MAN2A1: variants seen among roughly 807,000 people sequenced by gnomAD.
The protein encoded by MAN2A1 is mannosidase alpha class 2A member 1, also known as alpha-mannosidase 2.
A neutral mutation model predicts 142.6 loss-of-function variants in MAN2A1; 76 were observed. The observed-to-expected ratio is 0.53, with a 90% CI of 0.44 to 0.65. MAN2A1 has a LOEUF of 0.65. Ranked by LOEUF, MAN2A1 falls within the 30% of genes least tolerant of loss-of-function variation. The pLI, the probability that MAN2A1 is intolerant of heterozygous loss-of-function variation, is 0.00. For missense variants in MAN2A1, 1,311 were observed against 1,365.1 expected, an observed-to-expected ratio of 0.96 and a Z score of 0.62; for synonymous variants, 559 against 473.2, an observed-to-expected ratio of 1.18 and a Z score of -2.35.
chr5:109,812,075 T>C (rs551329225), intron 12 of MAN2A1, among the ~76,000 whole-genome samples: 1 of 152,302 alleles, frequency 6.6e-6, no homozygotes, highest in Non-Finnish European at 1.5e-5. Context: ...ATGAGAGTCT[T>C]GTAAGGGAAA....
At chr5:109,761,546 A>T (rs1752844332) in intron 5 of MAN2A1, among the ~76,000 whole-genome samples, 1 of 152,022 alleles carries the variant, frequency 6.6e-6, no homozygotes, top group African/African-American at 2.4e-5. Flanking sequence ...CCTGGAATAA[A>T]TCCCTTTTGG....
chr5:109,858,543 T>A (rs1309190580), intron 20 of MAN2A1, among the ~76,000 whole-genome samples: 1 of 152,222 alleles, frequency 6.6e-6, no homozygotes, highest in Non-Finnish European at 1.5e-5. Flanking sequence ...CAATGTGCAA[T>A]AATGGGCTGT....
intron 3 of MAN2A1, among the ~76,000 whole-genome samples, chr5:109,728,106 G>A (rs2112581879): frequency 6.6e-6 from 1 of 152,246 alleles, no homozygotes; most frequent in East Asian, 1.9e-4. Context: ...CATTGTAGGT[G>A]CTCAGTAAAT....
At chr5:109,846,786 A>C (rs1253173110) in intron 18 of MAN2A1, among the ~76,000 whole-genome samples, 1 of 152,164 alleles carries the variant, frequency 6.6e-6, no homozygotes, top group African/African-American at 2.4e-5. Flanking sequence ...CACACACACA[A>C]AAACTGCTAC....
chr5:109,820,037 C>T lies in MAN2A1; in HGVS notation c.2328+150C>T, dbSNP rs758764931. ...AGGAAGCATGAGCTTTTTGCACCTT[C>T]ATTGACCACTTGCTGCTCACATGTA... On this transcript the variant is annotated intron_variant, in intron 14 of 21. Coordinates refer to ENST00000261483, the MANE Select transcript of MAN2A1 (RefSeq NM_002372.4). 3.2e-4 allele frequency: 256 copies of T among 789,184 alleles called. 3 individuals carry two copies. The highest frequency in any genetic ancestry group is 1.5e-3 in the Middle Eastern group (4 of 2,638). The allele number at this position is 789,184 out of a possible 1,614,324, so 48.9% of individuals were successfully genotyped here.
chr5:109,714,177 C>CTTT (rs376535285), intron 2 of MAN2A1, among the ~76,000 whole-genome samples: 8 of 140,644 alleles, frequency 5.7e-5, no homozygotes, highest in Non-Finnish European at 7.9e-5. Context: ...TAAGGTTAGA[C>CTTT]TTTTTTTTTT....
At chr5:109,730,777 A>G (rs1751882250) in intron 4 of MAN2A1, among the ~76,000 whole-genome samples, 1 of 152,174 alleles carries the variant, frequency 6.6e-6, no homozygotes, top group Non-Finnish European at 1.5e-5. Context: ...TTTTACACAT[A>G]AGGACACTGA....
At chr5:109,691,139 T>G (rs562424730) in intron 1 of MAN2A1, among the ~76,000 whole-genome samples, 20 of 152,286 alleles carry the variant, frequency 1.3e-4, no homozygotes, top group African/African-American at 4.8e-4. Flanking sequence ...ACATCTGGTT[T>G]GTTTGTGGCA....
At chr5:109,716,293 G>T in intron 3 of MAN2A1, 29 bp downstream of exon 3, 1 of 1,574,714 alleles carries the variant, frequency 6.4e-7, no homozygotes, top group South Asian at 1.2e-5. Flanking sequence ...AAAGACAGGA[G>T]GTTATTAAGT....
At chr5:109,746,962 A>G (rs964597378) in intron 4 of MAN2A1, among the ~76,000 whole-genome samples, 2 of 152,204 alleles carry the variant, frequency 1.3e-5, no homozygotes, top group Admixed American at 1.3e-4. Flanking sequence ...TTTTAAGGCT[A>G]CATGATATTC....
chr5:109,778,187 G>A (rs918449406), intron 8 of MAN2A1, among the ~76,000 whole-genome samples: 13 of 151,954 alleles, frequency 8.6e-5, no homozygotes, highest in Non-Finnish European at 1.5e-4. Context: ...ATCGATGAAC[G>A]TGGTGTATTT....
intron 12 of MAN2A1, among the ~76,000 whole-genome samples, chr5:109,812,228 A>G (rs1266251368): frequency 6.6e-6 from 1 of 152,106 alleles, no homozygotes; most frequent in East Asian, 1.9e-4. Flanking sequence ...GGGGAAGTGA[A>G]ATAACTTGTC....
At chr5:109,702,977 C>T (rs1751031877) in intron 1 of MAN2A1, among the ~76,000 whole-genome samples, 1 of 152,256 alleles carries the variant, frequency 6.6e-6, no homozygotes, top group South Asian at 2.1e-4. Flanking sequence ...TCAGATGAGA[C>T]TTGCCTAAAT....
chr5:109,799,020 T>C (rs1456388252), intron 12 of MAN2A1, among the ~76,000 whole-genome samples: 1 of 151,928 alleles, frequency 6.6e-6, no homozygotes, highest in Non-Finnish European at 1.5e-5. Flanking sequence ...GTGTCTCAAA[T>C]TTGTCCTCTT....
At chr5:109,774,548 T>G (rs1011734059) in intron 7 of MAN2A1, among the ~76,000 whole-genome samples, 1 of 152,250 alleles carries the variant, frequency 6.6e-6, no homozygotes, top group African/African-American at 2.4e-5. Flanking sequence ...TGGAAACCTA[T>G]GAGTTTTTCC....
At chr5:109,842,806 GTTT>G (rs768238978) in intron 17 of MAN2A1, among the ~76,000 whole-genome samples, 1 of 116,208 alleles carries the variant, frequency 8.6e-6, no homozygotes, top group South Asian at 3.4e-4. Flanking sequence ...TACTTATTGG[GTTT>G]TTTTTTTTTT....
chr5:109,767,424 G>A, intron 5 of MAN2A1, 111 bp from the exon 6 acceptor site: 1 of 815,456 alleles, frequency 1.2e-6, no homozygotes, highest in Non-Finnish European at 1.9e-6. Context: ...TAGATCCTTG[G>A]TCTGATATCT....
intron 4 of MAN2A1, among the ~76,000 whole-genome samples, chr5:109,735,721 A>G (rs1244194314): frequency 1.3e-5 from 2 of 152,164 alleles, no homozygotes; most frequent in Non-Finnish European, 2.9e-5. Flanking sequence ...AGTTCTTTCA[A>G]TGAGTGAACA....
At chr5:109,745,066 A>G (rs1752362430) in intron 4 of MAN2A1, among the ~76,000 whole-genome samples, 1 of 152,116 alleles carries the variant, frequency 6.6e-6, no homozygotes, top group African/African-American at 2.4e-5. Flanking sequence ...ATCTATTGTG[A>G]TAGAAATGGA....
Sources: gnomAD v4.1 joint callset for allele counts (sites outside exome capture counted in the v4.1 genomes callset) on GRCh38, gnomAD v4.1.1 for gene constraint, MANE v1.5 for transcripts, NCBI Gene and HGNC (gene_info 2026-07-23, HGNC 2026-07-21) for gene names.